The following OTULIN variants were observed in gnomAD, a reference collection of about 807,000 sequenced individuals.
The protein encoded by OTULIN is ubiquitin thioesterase otulin.
In OTULIN, 15 loss-of-function variants were observed where a neutral mutation model predicts 39.6. The ratio of observed to expected loss-of-function variants is 0.38; its 90% CI spans 0.25 to 0.58. The LOEUF (loss-of-function observed/expected upper bound fraction) is 0.58, where lower values mean the gene tolerates loss of function less well. OTULIN is among the 20% of genes least tolerant of loss of function. OTULIN has a pLI of 0.66. For synonymous variants in OTULIN, 156 were observed against 170.3 expected (o/e 0.92, Z 0.65); for missense variants, 319 against 445.9 (o/e 0.72, Z 2.56).
At chr5:14,701,010 AGGAGGGAGCCAAGACAG>A (rs1182912880), downstream of OTULIN, among the ~76,000 whole-genome samples, 4 of 152,178 alleles carry the variant, frequency 2.6e-5, no homozygotes, top group Non-Finnish European at 5.9e-5. Context: ...TTAGAACAGG[AGGAGGGAGCCAAGACAG>A]GGAGGGAGCA....
chr5:14,685,043 G>A (rs947103761), intron 4 of OTULIN, among the ~76,000 whole-genome samples: 2 of 152,216 alleles, frequency 1.3e-5, no homozygotes, highest in Non-Finnish European at 2.9e-5. Flanking sequence ...CTATGGAGAT[G>A]GCCTAGCCTG....
At chr5:14,706,151 T>C in the OTULIN span, 2 of 152,204 alleles carry the variant, frequency 1.3e-5, no homozygotes, top group African/African-American at 2.4e-5. Flanking sequence ...TTGTAGACGC[T>C]AATGTCAAGT....
Position 14,690,335 on chromosome 5 carries a change from AC to A in OTULIN, c.864+31del. The A allele has an allele frequency of 6.2e-7, 1 of 1,600,878 alleles. No homozygotes were observed. Among genetic ancestry groups the A allele is most frequent in the Non-Finnish European group, 8.5e-7 (1 of 1,173,572 alleles). On this transcript the variant is annotated intron_variant, in intron 6 of 6. Transcript: ENST00000284274. This position sits in a 1 kb window ranked among gnomAD's most constrained non-coding sequence, Gnocchi z 4.5. Reference sequence around the variant, plus strand: ...TAAGTTGTGCTTTTGAGCATGTATTACCCCAAAATAAAGCAGCTTTACTGAT... The same window carrying A: ...TAAGTTGTGCTTTTGAGCATGTATTACCCAAAATAAAGCAGCTTTACTGAT...
Position 14,692,922 on chromosome 5 carries a change from C to A in OTULIN, c.933C>A (p.Asn311Lys). 1 of 1,614,200 alleles carries A rather than the reference C, an allele frequency of 6.2e-7. No homozygotes were observed. The highest frequency in any genetic ancestry group is 8.5e-7 in the Non-Finnish European group (1 of 1,180,036). ...AGGTGTACCGGCTCTCCAAGTACAA[C>A]ACGGAAGAATTCATCACAGTCTACC... ...TIQVYRLSKY[N>K]TEEFITVYPT... The change falls in exon 7 of 7, where the codon AAC becomes AAA. Residue 311 changes from asparagine to lysine, a missense_variant. This residue lies in a region of OTULIN where 106 missense variants were observed against 192.8 expected (regional missense o/e 0.55). Coordinates refer to ENST00000284274, the MANE Select transcript of OTULIN (RefSeq NM_138348.6).
intron 1 of OTULIN, among the ~76,000 whole-genome samples, chr5:14,670,437 T>C (rs1735951086): frequency 6.6e-6 from 1 of 152,180 alleles, no homozygotes; most frequent in Non-Finnish European, 1.5e-5. Flanking sequence ...TAAAATAAAA[T>C]TATTATTTTT....
the OTULIN span, chr5:14,708,550 T>G: frequency 1.3e-5 from 2 of 152,232 alleles, no homozygotes; most frequent in Non-Finnish European, 2.9e-5. Context: ...CCTGGTTTGA[T>G]CTCTCATGTC....
chr5:14,664,776 G>A lies in OTULIN; in HGVS notation c.-50G>A. 1 of 1,137,514 alleles carries A rather than the reference G, an allele frequency of 8.8e-7. No individual in the cohort carries two copies. 70.5% of individuals were successfully genotyped at this position (1,137,514 alleles called of 1,614,324 possible). A position where few individuals can be genotyped will look rare whatever the true frequency, so the allele number is the denominator to read the frequency against. On this transcript the variant is annotated 5_prime_UTR_variant, in exon 1 of 7. Coordinates refer to ENST00000284274, the MANE Select transcript of OTULIN (RefSeq NM_138348.6). ...ACTGCCTGGCACCCCGACGGGAGGG[G>A]CTCCGGATCGTTCGGAGCCGGCTGA...
the OTULIN span, among the ~76,000 whole-genome samples, chr5:14,711,774 C>T: frequency 6.6e-6 from 1 of 152,252 alleles, no homozygotes; most frequent in Non-Finnish European, 1.5e-5. Context: ...CCACTTACTG[C>T]CTGTCCTAGT....
intron 6 of OTULIN, among the ~76,000 whole-genome samples, chr5:14,692,300 T>C (rs1736548570): frequency 6.6e-6 from 1 of 152,222 alleles, no homozygotes; most frequent in Non-Finnish European, 1.5e-5. Context: ...GTACATCTCA[T>C]TGACATTTAG....
intron 4 of OTULIN, among the ~76,000 whole-genome samples, chr5:14,685,988 T>C (rs764645248): frequency 1.3e-5 from 2 of 152,148 alleles, no homozygotes; most frequent in Non-Finnish European, 2.9e-5. Flanking sequence ...GGTGCAGCCT[T>C]TAGGTGGGTG....
chr5:14,713,654 C>T, the OTULIN span: 516 of 1,614,082 alleles, frequency 3.2e-4, 1 homozygote, highest in Non-Finnish European at 2.9e-4. The surrounding 1 kb of genome is among the most constrained non-coding windows in gnomAD (Gnocchi z 4.4). Context: ...CGGTGAGATG[C>T]GCCCTCACTG....
At position 14,696,504 on chromosome 5, in the gene OTULIN, A is replaced by G. The variant is rs527382978; in HGVS notation, c.*3456A>G. 1.3e-5 allele frequency: 2 copies of G among 152,344 alleles called. No homozygotes were observed. Among genetic ancestry groups the G allele is most frequent in the Middle Eastern group, 3.4e-3 (1 of 294 alleles). 9.4% of individuals were successfully genotyped at this position (152,344 alleles called of 1,614,324 possible). ...GAAGTGAATGTGAAATGTGTGTGAA[A>G]TACATAGAATTCCCAAATAGTTTAG... On this transcript the variant is annotated 3_prime_UTR_variant, in exon 7 of 7. Coordinates refer to ENST00000284274, the MANE Select transcript of OTULIN (RefSeq NM_138348.6).
At chr5:14,679,039 C>G (rs954953668) in intron 3 of OTULIN, among the ~76,000 whole-genome samples, 12 of 152,108 alleles carry the variant, frequency 7.9e-5, no homozygotes, top group African/African-American at 2.7e-4. Flanking sequence ...AGAGTTGGGC[C>G]AGCTCTTGGT....
chr5:14,672,034 G>A (rs1205856257), intron 1 of OTULIN, among the ~76,000 whole-genome samples: 4 of 152,122 alleles, frequency 2.6e-5, no homozygotes, highest in Admixed American at 2.6e-4. Flanking sequence ...AATAAACCCT[G>A]GCAGTCTAAT....
In OTULIN at chr5:14,690,944, C is replaced by T. The variant is rs545879973; in HGVS notation, c.864+636C>T. On this transcript the variant is annotated intron_variant, in intron 6 of 6. Transcript: ENST00000284274. The surrounding 1 kb of genome is among the most constrained non-coding windows in gnomAD (Gnocchi z 4.5). The stretch of plus-strand genomic sequence containing the variant: ...AAGTGAAGTACTTGGAAGAGCCATT[C>T]GAAGGGTCTTGTTTAATCTTGGCAA... Among the ~76,000 whole-genome samples the T allele has an allele frequency of 3.2e-4, 49 of 152,214 alleles. No homozygotes were observed. In the South Asian group the frequency reaches 7.1e-3, roughly 22 times the overall value.
chr5:14,705,235 C>T, the OTULIN span: 2 of 151,880 alleles, frequency 1.3e-5, no homozygotes, highest in Non-Finnish European at 2.9e-5. Context: ...TATGGGCTGA[C>T]AGCCACAGCC....
chr5:14,712,854 T>C, the OTULIN span: 2 of 1,583,876 alleles, frequency 1.3e-6, no homozygotes, highest in Non-Finnish European at 1.7e-6. Flanking sequence ...GGGAGGAGGC[T>C]CCCGGCGCGG....
the OTULIN span, among the ~76,000 whole-genome samples, chr5:14,714,198 G>T: frequency 6.6e-6 from 1 of 152,312 alleles, no homozygotes; most frequent in African/African-American, 2.4e-5. Context: ...CACTTCCACC[G>T]AGGTCACTTC....
downstream of OTULIN, among the ~76,000 whole-genome samples, chr5:14,700,587 C>T (rs1286181371): frequency 1.3e-5 from 2 of 148,194 alleles, no homozygotes; most frequent in African/African-American, 5.0e-5. Context: ...CATCCATACC[C>T]TCTGTGCTCA....
Sources: allele counts gnomAD v4.1 joint callset (sites outside exome capture counted in the v4.1 genomes callset), GRCh38; gene constraint gnomAD v4.1.1; regional missense constraint gnomAD v4.1.1; non-coding constraint Gnocchi (gnomAD v3.1); transcripts MANE v1.5; gene names NCBI Gene and HGNC (gene_info 2026-07-23, HGNC 2026-07-21).